MRPL22: variants seen among roughly 807,000 people sequenced by gnomAD.
MRPL22 encodes large ribosomal subunit protein uL22m.
A neutral mutation model predicts 32.4 loss-of-function variants in MRPL22; 27 were observed. The ratio of observed to expected loss-of-function variants is 0.83; its 90% CI spans 0.61 to 1.15. The LOEUF is 1.15. Among genes scored for constraint, MRPL22 ranks in the 50% most tolerant of loss-of-function variants. MRPL22 has a pLI of 0.00. For synonymous variants in MRPL22, 86 were observed against 87.3 expected (o/e 0.99, Z 0.08); for missense variants, 239 against 260.2 (o/e 0.92, Z 0.56).
chr5:154,950,622 C>T (rs1764546677), intron 2 of MRPL22, among the ~76,000 whole-genome samples, 199 bp from the exon 3 acceptor site: 1 of 152,162 alleles, frequency 6.6e-6, no homozygotes, highest in African/African-American at 2.4e-5. Context: ...TTTACTTTCT[C>T]TCCTGTTAGC....
intron 2 of MRPL22, among the ~76,000 whole-genome samples, chr5:154,943,667 T>G (rs921295753): frequency 1.3e-5 from 2 of 151,420 alleles, no homozygotes; most frequent in Non-Finnish European, 2.9e-5. Flanking sequence ...CATATATATA[T>G]AGATATTAAA....
In MRPL22 at chr5:154,967,383, A is replaced by G. The variant is rs559643393; in HGVS notation, c.*486A>G. ...GTTGGCACAGGCCAGTGAGTCAAAAATTATATTTTCCTTTACTGTTTTAGC... is the reference window on the plus strand; with the variant it reads ...GTTGGCACAGGCCAGTGAGTCAAAAGTTATATTTTCCTTTACTGTTTTAGC... On this transcript the variant is annotated 3_prime_UTR_variant, in exon 7 of 7. Transcript: ENST00000523037. This position sits in a 1 kb window ranked among gnomAD's most constrained non-coding sequence, Gnocchi z 4.7. 2.1e-4 allele frequency: 32 copies of G among 153,236 alleles called. No individual in the cohort carries two copies. In the South Asian group the frequency reaches 2.5e-3, roughly 12 times the overall value. The allele number at this position is 153,236 out of a possible 1,614,324, so 9.5% of individuals were successfully genotyped here. A position where few individuals can be genotyped will look rare whatever the true frequency, so the allele number is the denominator to read the frequency against.
intron 6 of MRPL22, 43 bp from the exon 7 acceptor site, chr5:154,966,643 G>A (rs1022147544): frequency 1.3e-6 from 2 of 1,599,650 alleles, no homozygotes; most frequent in African/African-American, 1.3e-5. Context: ...CAGGCTTGTG[G>A]ATAACACTCA....
intron 2 of MRPL22, among the ~76,000 whole-genome samples, chr5:154,943,362 T>A (rs1764444987): frequency 6.6e-6 from 1 of 151,866 alleles, no homozygotes; most frequent in African/African-American, 2.4e-5. Flanking sequence ...CCTCCTGCCT[T>A]GGCCTGGAGG....
At chr5:154,955,133 AT>A (rs1764615242) in intron 3 of MRPL22, 1 of 152,018 alleles carries the variant, frequency 6.6e-6, no homozygotes, top group South Asian at 2.1e-4. Flanking sequence ...GAGTGGATTA[AT>A]TTTTGCAGAT....
At chr5:154,952,646 C>T (rs1764578684) in intron 3 of MRPL22, among the ~76,000 whole-genome samples, 1 of 152,102 alleles carries the variant, frequency 6.6e-6, no homozygotes, top group Non-Finnish European at 1.5e-5. Flanking sequence ...ATCAGTTGTA[C>T]CTGTTATGAC....
intron 3 of MRPL22, among the ~76,000 whole-genome samples, chr5:154,954,069 A>G (rs184874022): frequency 3.2e-4 from 48 of 150,546 alleles, no homozygotes; most frequent in Non-Finnish European, 6.2e-4. Context: ...GGCTCACTAT[A>G]GCCTTGACCT....
Position 154,959,992 on chromosome 5 carries a change from G to A in MRPL22, c.352G>A (p.Ala118Thr). The A allele has an allele frequency of 6.2e-7, 1 of 1,611,518 alleles. No homozygotes were observed. Among genetic ancestry groups the A allele is most frequent in the Non-Finnish European group, 8.5e-7 (1 of 1,178,704 alleles). The change falls in exon 6 of 7, where the codon GCA becomes ACA. Residue 118 changes from alanine to threonine, a missense_variant. Transcript: ENST00000523037. Reference sequence around the variant, plus strand: ...TTTCTTATTTAAGGTTCTCTTAGAAGCACAAGATATGGCAGTGAGAGACCA... The same window carrying A: ...TTTCTTATTTAAGGTTCTCTTAGAAACACAAGATATGGCAGTGAGAGACCA... ...AKIIKEVLLE[A>T]QDMAVRDHNV...
At position 154,943,657 on chromosome 5, in the gene MRPL22, C is replaced by CATAT. The variant is rs146396911; in HGVS notation, c.77+2400_77+2403dup. ...ACATACATACATGTATATACACACACATATATATATAGATATTAAAATTTT... is the reference window on the plus strand; with the variant it reads ...ACATACATACATGTATATACACACACATATATATATATATAGATATTAAAATTTT... On this transcript the variant is annotated intron_variant, in intron 2 of 6. Transcript: ENST00000523037. Among the ~76,000 whole-genome samples the CATAT allele has an allele frequency of 7.5e-3, 1,129 of 150,656 alleles. 7 individuals carry two copies. Among genetic ancestry groups the CATAT allele is most frequent in the Non-Finnish European group, 9.3e-3 (631 of 67,808 alleles).
chr5:154,966,377 T>C (rs1295181592), intron 6 of MRPL22, among the ~76,000 whole-genome samples: 2 of 152,256 alleles, frequency 1.3e-5, no homozygotes, highest in African/African-American at 4.8e-5. Flanking sequence ...CATCTCATTC[T>C]GATTTATTCA....
At chr5:154,943,573 T>TATATACACACATATATGCACATATATAC in intron 2 of MRPL22, among the ~76,000 whole-genome samples, 1 of 151,602 alleles carries the variant, frequency 6.6e-6, no homozygotes, top group African/African-American at 2.4e-5. Context: ...AGGATATATA[T>TATATACACACATATATGCACATATATAC]ATATATACAC....
At chr5:154,950,979 G>A (rs2113535933) in intron 3 of MRPL22, 41 bp downstream of exon 3, 4 of 1,249,910 alleles carry the variant, frequency 3.2e-6, no homozygotes, top group East Asian at 2.3e-5. Context: ...TTGTGGTAGT[G>A]CTCTTACTCT....
chr5:154,948,924 CA>C (rs1343351354), intron 2 of MRPL22, among the ~76,000 whole-genome samples: 1 of 152,182 alleles, frequency 6.6e-6, no homozygotes, highest in African/African-American at 2.4e-5. Flanking sequence ...TGGCTTTAAA[CA>C]TATTTGATGT....
At chr5:154,945,058 G>A (rs1260023181) in intron 2 of MRPL22, among the ~76,000 whole-genome samples, 2 of 152,150 alleles carry the variant, frequency 1.3e-5, no homozygotes, top group African/African-American at 4.8e-5. Flanking sequence ...AAGGTTTTGA[G>A]CATGGAGTTA....
Position 154,967,716 on chromosome 5 carries a change from A to G in MRPL22, c.*819A>G, listed in dbSNP as rs933210404. ...GTTCAACACTGCTTCCCTCTCATTC[A>G]TACACGTCTTCATTAAGAAGAAGTA... On this transcript the variant is annotated 3_prime_UTR_variant, in exon 7 of 7. Transcript: ENST00000523037. This position sits in a 1 kb window ranked among gnomAD's most constrained non-coding sequence, Gnocchi z 4.7. The G allele has an allele frequency of 1.3e-5, 2 of 152,174 alleles. No homozygotes were observed. The highest frequency in any genetic ancestry group is 4.8e-5 in the African/African-American group (2 of 41,450). The allele number at this position is 152,174 out of a possible 1,614,324, so 9.4% of individuals were successfully genotyped here.
intron 6 of MRPL22, among the ~76,000 whole-genome samples, chr5:154,965,804 C>T (rs1472041350): frequency 6.6e-6 from 1 of 152,040 alleles, no homozygotes; most frequent in Non-Finnish European, 1.5e-5. Flanking sequence ...CTGAAGGGGC[C>T]GTTGTGCCAG....
At chr5:154,959,248 G>A (rs1764670899) in intron 5 of MRPL22, 1 of 149,726 alleles carries the variant, frequency 6.7e-6, no homozygotes, top group Admixed American at 6.7e-5. Flanking sequence ...TGGCCTCAAG[G>A]GATCCTCCTG....
intron 5 of MRPL22, among the ~76,000 whole-genome samples, chr5:154,958,199 G>A (rs164197): frequency 0.034 from 5,166 of 152,124 alleles, 114 homozygotes; most frequent in African/African-American, 0.068. Flanking sequence ...GATTACAGGC[G>A]TGAGCCACCG....
intron 4 of MRPL22, 25 bp from the exon 5 acceptor site, chr5:154,957,110 T>G (rs1764640331): frequency 7.0e-6 from 11 of 1,577,428 alleles, no homozygotes; most frequent in Non-Finnish European, 9.5e-6. Flanking sequence ...TTTATTTTCT[T>G]TTGTCTCTCA....
Sources: gnomAD v4.1 joint callset for allele counts (sites outside exome capture counted in the v4.1 genomes callset) on GRCh38, gnomAD v4.1.1 for gene constraint, Gnocchi (gnomAD v3.1) non-coding constraint, MANE v1.5 for transcripts, NCBI Gene and HGNC (gene_info 2026-07-23, HGNC 2026-07-21) for gene names.